ALB: variants seen among roughly 807,000 people sequenced by gnomAD.
The protein encoded by ALB is serum albumin.
ALB carries 37 observed loss-of-function variants against 74.5 expected under a neutral mutation model. The observed-to-expected ratio is 0.50, with a 90% CI of 0.38 to 0.65. The LOEUF is 0.65. ALB is among the 30% of genes least tolerant of loss of function. The pLI, the probability that ALB is intolerant of heterozygous loss-of-function variation, is 0.00. For missense variants in ALB, 685 were observed against 718.7 expected (o/e 0.95, Z 0.54); for synonymous variants, 249 against 251.6 (o/e 0.99, Z 0.10).
At chr4:73,404,654 G>A (rs1718674158) in intron 1 of ALB, among the ~76,000 whole-genome samples, 1 of 151,378 alleles carries the variant, frequency 6.6e-6, no homozygotes, top group Admixed American at 6.6e-5. Flanking sequence ...AAAGTGCAAA[G>A]TAACTTAGAG....
At chr4:73,406,946 C>T (rs780157233) in intron 3 of ALB, among the ~76,000 whole-genome samples, 185 bp downstream of exon 3, 5 of 152,018 alleles carry the variant, frequency 3.3e-5, no homozygotes, top group Non-Finnish European at 7.4e-5. Context: ...TAGCTATGTC[C>T]ACAGTTTTAA....
Position 73,417,636 on chromosome 4 carries a change from T to C in ALB, c.1395T>C (p.Pro465=). 1 of 1,613,940 alleles carries C rather than the reference T, an allele frequency of 6.2e-7. No homozygotes were observed. The highest frequency in any genetic ancestry group is 1.1e-5 in the South Asian group (1 of 91,070). Residue 465 remains proline (P), a synonymous_variant, in exon 11 of 15, where the codon CCT becomes CCC. Transcript: ENST00000295897. The part of the protein sequence containing the change: ...GKVGSKCCKH[P]EAKRMPCAED... The stretch of plus-strand genomic sequence containing the variant: ...TGGGCAGCAAATGTTGTAAACATCC[T>C]GAAGCAAAAAGAATGCCCTGTGCAG...
chr4:73,413,703 C>T, intron 8 of ALB, 69 bp downstream of exon 8: 4 of 1,473,322 alleles, frequency 2.7e-6, no homozygotes, highest in Non-Finnish European at 3.8e-6. Context: ...ATAGCCTAGG[C>T]TTTTCTGTGG....
At position 73,420,282 on chromosome 4, in the gene ALB, C is replaced by G. The variant is rs1719112203; in HGVS notation, c.1814C>G (p.Ala605Gly). 6.2e-7 allele frequency: 1 copy of G among 1,612,818 alleles called. No homozygotes were observed. The highest frequency in any genetic ancestry group is 8.5e-7 in the Non-Finnish European group (1 of 1,179,188). Residue 605 changes from alanine (A) to glycine (G), a missense_variant, in exon 14 of 15, where the codon GCT (alanine) becomes GGT (glycine). Transcript: ENST00000295897. ...AAAAAACTTGTTGCTGCAAGTCAAG[C>G]TGCCTTAGGCTTATAACATCACATT... ...EGKKLVAASQ[A>G]ALGL
At chr4:73,409,813 A>ATC (rs1718827226) in intron 5 of ALB, among the ~76,000 whole-genome samples, 1 of 152,140 alleles carries the variant, frequency 6.6e-6, no homozygotes, top group African/African-American at 2.4e-5. Context: ...GTTCTTGTTT[A>ATC]TCTTTTCATG....
intron 4 of ALB, chr4:73,409,015 C>G (rs1360325692): frequency 4.4e-5 from 26 of 595,710 alleles, no homozygotes; most frequent in Non-Finnish European, 7.3e-5. Context: ...TTTATTGAAA[C>G]AGGATACAAT....
chr4:73,415,232 A>T, intron 9 of ALB, 65 bp downstream of exon 9: 1 of 1,567,686 alleles, frequency 6.4e-7, no homozygotes, highest in Non-Finnish European at 8.8e-7. Context: ...AGAAAGAAAA[A>T]TAATGCAAGA....
intron 7 of ALB, among the ~76,000 whole-genome samples, chr4:73,412,678 C>G (rs1335503602): frequency 6.6e-6 from 1 of 152,156 alleles, no homozygotes; most frequent in Non-Finnish European, 1.5e-5. Context: ...CTCCTGACCT[C>G]AGGTGATCCA....
intron 13 of ALB, among the ~76,000 whole-genome samples, 191 bp from the exon 14 acceptor site, chr4:73,420,063 C>CT (rs1033907573): frequency 6.6e-6 from 1 of 151,990 alleles, no homozygotes; most frequent in Admixed American, 6.6e-5. Flanking sequence ...CTGACAGTAA[C>CT]TTTTTTTTAT....
intron 13 of ALB, 22 bp from the exon 14 acceptor site, chr4:73,420,232 T>C: frequency 6.2e-7 from 1 of 1,607,786 alleles, no homozygotes; most frequent in Non-Finnish European, 8.5e-7. Context: ...TTTCCTAACA[T>C]CTGTCATGTC....
At chr4:73,410,052 C>T (rs1416000121) in intron 5 of ALB, among the ~76,000 whole-genome samples, 1 of 152,048 alleles carries the variant, frequency 6.6e-6, no homozygotes, top group East Asian at 1.9e-4. Context: ...GACTTTTCTC[C>T]CACTTTTAAG....
At chr4:73,405,222 T>C in intron 2 of ALB, 49 bp downstream of exon 2, 1 of 1,453,666 alleles carries the variant, frequency 6.9e-7, no homozygotes, top group Non-Finnish European at 9.7e-7. Flanking sequence ...AATAGTGTTG[T>C]TTATTATTCT....
At chr4:73,412,477 C>G (rs1199276879) in intron 7 of ALB, among the ~76,000 whole-genome samples, 1 of 152,156 alleles carries the variant, frequency 6.6e-6, no homozygotes, top group Admixed American at 6.5e-5. Context: ...CAGAGTTTCG[C>G]TCTTGTTTCC....
chr4:73,419,193 C>A, intron 12 of ALB: 3 of 241,704 alleles, frequency 1.2e-5, no homozygotes, highest in South Asian at 1.6e-4. Flanking sequence ...TATATAATTG[C>A]AATGACATAC....
At chr4:73,404,507 A>T (rs1718670096) in intron 1 of ALB, 101 bp downstream of exon 1, 4 of 998,342 alleles carry the variant, frequency 4.0e-6, no homozygotes, top group Admixed American at 3.7e-5. Flanking sequence ...TTTGGCATTT[A>T]TTTCTAAAAT....
At chr4:73,413,903 A>T (rs1471171757) in intron 8 of ALB, among the ~76,000 whole-genome samples, 1 of 152,216 alleles carries the variant, frequency 6.6e-6, no homozygotes, top group African/African-American at 2.4e-5. Flanking sequence ...TTGTGTATAT[A>T]TAAATTATGT....
At chr4:73,415,809 G>A (rs1316310367) in intron 9 of ALB, among the ~76,000 whole-genome samples, 1 of 152,078 alleles carries the variant, frequency 6.6e-6, no homozygotes, top group Admixed American at 6.5e-5. Flanking sequence ...TAACTGGAAA[G>A]GTGAACTAAT....
intron 4 of ALB, chr4:73,409,017 G>C (rs1577936270): frequency 5.1e-6 from 3 of 590,284 alleles, no homozygotes; most frequent in Non-Finnish European, 8.9e-6. Context: ...TATTGAAACA[G>C]GATACAATCT....
chr4:73,415,310 A>G, intron 9 of ALB, 143 bp downstream of exon 9: 1 of 1,018,992 alleles, frequency 9.8e-7, no homozygotes, highest in South Asian at 1.5e-5. Context: ...AATCTTAAAC[A>G]TGAAAGAAAA....
Sources: gnomAD v4.1 joint callset for allele counts (sites outside exome capture counted in the v4.1 genomes callset) on GRCh38, gnomAD v4.1.1 for gene constraint, MANE v1.5 for transcripts, NCBI Gene and HGNC (gene_info 2026-07-23, HGNC 2026-07-21) for gene names.